FMN2: variants seen among roughly 807,000 people sequenced by gnomAD.
The protein encoded by FMN2 is formin-2.
In FMN2, 51 loss-of-function variants were observed where a neutral mutation model predicts 142.3. That is an observed-to-expected ratio of 0.36 (90% CI 0.29 to 0.45). FMN2 has a LOEUF of 0.45. Ranked by LOEUF, FMN2 falls within the 20% of genes least tolerant of loss-of-function variation. The probability of loss-of-function intolerance (pLI) is 1.00; values close to 1 mark genes in which losing one functional copy is unlikely to be tolerated. For missense variants in FMN2, 1,936 were observed against 2,122.8 expected, an observed-to-expected ratio of 0.91 and a Z score of 1.73; for synonymous variants, 882 against 869.8, an observed-to-expected ratio of 1.01 and a Z score of -0.25.
chr1:240,308,599 CT>C (rs1393040680), intron 8 of FMN2, among the ~76,000 whole-genome samples: 2 of 152,162 alleles, frequency 1.3e-5, no homozygotes, highest in Admixed American at 1.3e-4. Flanking sequence ...TTGGACACCC[CT>C]GTAAGAAGTT....
intron 2 of FMN2, chr1:240,170,075 G>A: frequency 1.7e-6 from 1 of 588,364 alleles, no homozygotes; most frequent in South Asian, 2.1e-5. Flanking sequence ...AGCCAATCAT[G>A]GAATGAGAAT....
At chr1:240,123,787 CA>C (rs1359106485) in intron 2 of FMN2, among the ~76,000 whole-genome samples, 3 of 152,200 alleles carry the variant, frequency 2.0e-5, no homozygotes, top group African/African-American at 7.2e-5. Flanking sequence ...TTTTATCATC[CA>C]AAATAAACCC....
At chr1:240,245,383 C>A in intron 6 of FMN2, 2 of 402,570 alleles carry the variant, frequency 5.0e-6, no homozygotes, top group South Asian at 3.8e-5. Flanking sequence ...GAACTTGCAG[C>A]AGGGTGGTGG....
chr1:240,361,139 G>GTATA (rs1444875541), intron 14 of FMN2, among the ~76,000 whole-genome samples: 209 of 9,340 alleles, frequency 0.022, no homozygotes, highest in Non-Finnish European at 0.032. Flanking sequence ...ATAAATATAT[G>GTATA]TGTATATATA....
intron 8 of FMN2, among the ~76,000 whole-genome samples, chr1:240,323,235 C>A (rs929064681): frequency 6.6e-6 from 1 of 151,548 alleles, no homozygotes; most frequent in Non-Finnish European, 1.5e-5. Context: ...CACTCTCTCA[C>A]CCAGGCTGGA....
In FMN2 at chr1:240,093,366, C is replaced by A; in HGVS notation, c.1257C>A (p.Ile419=). 6.2e-7 allele frequency: 1 copy of A among 1,613,280 alleles called. No homozygotes were observed. The highest frequency in any genetic ancestry group is 8.5e-7 in the Non-Finnish European group (1 of 1,179,650). ...KPYPLITPCY[I]KTTTRQLSSP... is the part of the protein sequence containing the mutation. ...ACCCGCTCATCACCCCCTGCTACATCAAGACCACCACCCGGCAGCTCAGCT... is the reference window on the plus strand; with the variant it reads ...ACCCGCTCATCACCCCCTGCTACATAAAGACCACCACCCGGCAGCTCAGCT... The change falls in exon 1 of 18, where the codon ATC becomes ATA. Residue 419 remains isoleucine (I), a synonymous_variant. Coordinates refer to ENST00000319653, the MANE Select transcript of FMN2 (RefSeq NM_020066.5).
intron 8 of FMN2, among the ~76,000 whole-genome samples, chr1:240,327,682 T>G (rs1435312639): frequency 6.6e-6 from 1 of 152,112 alleles, no homozygotes; most frequent in African/African-American, 2.4e-5. Flanking sequence ...TAAAGACAGA[T>G]TTGTGCTTCT....
At chr1:240,266,067 A>G (rs945021373) in intron 7 of FMN2, among the ~76,000 whole-genome samples, 2 of 146,572 alleles carry the variant, frequency 1.4e-5, no homozygotes, top group Non-Finnish European at 3.0e-5. Context: ...ATTCAGGGGT[A>G]CATGTGTAGG....
intron 15 of FMN2, among the ~76,000 whole-genome samples, chr1:240,427,409 G>A (rs1331790834): frequency 6.6e-6 from 1 of 151,808 alleles, no homozygotes; most frequent in Non-Finnish European, 1.5e-5. Flanking sequence ...GTTTCACCGT[G>A]TTAGCCAGGA....
chr1:240,379,234 A>G (rs1408974914), intron 14 of FMN2, among the ~76,000 whole-genome samples: 1 of 152,110 alleles, frequency 6.6e-6, no homozygotes, highest in Non-Finnish European at 1.5e-5. Context: ...CTCCAAGACC[A>G]TCCTGTCTCT....
chr1:240,363,128 G>A (rs2103057723), intron 14 of FMN2, among the ~76,000 whole-genome samples: 1 of 152,322 alleles, frequency 6.6e-6, no homozygotes, highest in Non-Finnish European at 1.5e-5. Flanking sequence ...AGACTGAAGA[G>A]CCTAGTAGAA....
At chr1:240,216,767 T>A (rs1031020313) in intron 6 of FMN2, among the ~76,000 whole-genome samples, 13 of 152,020 alleles carry the variant, frequency 8.6e-5, no homozygotes, top group African/African-American at 3.1e-4. Flanking sequence ...GACAACATGG[T>A]GAAACCCTGT....
At chr1:240,264,393 T>G (rs186993139) in intron 7 of FMN2, among the ~76,000 whole-genome samples, 1 of 152,360 alleles carries the variant, frequency 6.6e-6, no homozygotes, top group East Asian at 1.9e-4. Flanking sequence ...TTTTATTTTT[T>G]TATTATACTT....
chr1:240,442,895 AG>A (rs1223392039), intron 16 of FMN2, among the ~76,000 whole-genome samples: 3 of 152,222 alleles, frequency 2.0e-5, no homozygotes, highest in Admixed American at 2.0e-4. Flanking sequence ...AAAATCAATT[AG>A]TTTTCAAGAG....
At chr1:240,103,398 C>G (rs1164441582) in intron 1 of FMN2, among the ~76,000 whole-genome samples, 2 of 152,188 alleles carry the variant, frequency 1.3e-5, no homozygotes, top group Non-Finnish European at 2.9e-5. Context: ...CTGTGTTTCT[C>G]TGGACCTCAG....
intron 5 of FMN2, among the ~76,000 whole-genome samples, chr1:240,209,543 C>T (rs1187179935): frequency 2.7e-5 from 4 of 150,918 alleles, no homozygotes; most frequent in East Asian, 2.0e-4. Context: ...CGTGAGCCAC[C>T]GGGCACGGCC....
chr1:240,272,841 G>A (rs1389508979), intron 7 of FMN2, among the ~76,000 whole-genome samples: 1 of 152,120 alleles, frequency 6.6e-6, no homozygotes, highest in Non-Finnish European at 1.5e-5. Context: ...CATGAATACA[G>A]CGAGATCTTT....
chr1:240,459,007 C>A (rs1401661301), intron 16 of FMN2: 3 of 152,058 alleles, frequency 2.0e-5, no homozygotes, highest in African/African-American at 4.8e-5. Flanking sequence ...CAGAAAAAAA[C>A]CAAACTCTTT....
intron 14 of FMN2, among the ~76,000 whole-genome samples, chr1:240,387,842 A>C (rs1673454967): frequency 6.6e-6 from 1 of 152,152 alleles, no homozygotes; most frequent in African/African-American, 2.4e-5. Context: ...CAGGAAGAGG[A>C]TGACTAGACA....
Sources: allele counts gnomAD v4.1 joint callset (sites outside exome capture counted in the v4.1 genomes callset), GRCh38; gene constraint gnomAD v4.1.1; transcripts MANE v1.5; gene names NCBI Gene and HGNC (gene_info 2026-07-23, HGNC 2026-07-21).